EPM2A: variants seen among roughly 807,000 people sequenced by gnomAD.
The protein encoded by EPM2A is laforin.
In EPM2A, 21 loss-of-function variants were observed where a neutral mutation model predicts 26.5. The ratio of observed to expected loss-of-function variants is 0.79; its 90% CI spans 0.56 to 1.14. The LOEUF (loss-of-function observed/expected upper bound fraction) is 1.14. Among genes scored for constraint, EPM2A ranks in the 50% most tolerant of loss-of-function variants. The pLI is 0.00. For synonymous variants in EPM2A, 217 were observed against 177.6 expected (o/e 1.22, Z -1.76); for missense variants, 458 against 440.8 (o/e 1.04, Z -0.35).
intron 2 of EPM2A, among the ~76,000 whole-genome samples, chr6:145,570,023 T>C (rs992412036): frequency 3.3e-5 from 5 of 152,146 alleles, no homozygotes; most frequent in Non-Finnish European, 5.9e-5. Context: ...CGGAGAAAGA[T>C]GTAGGCTGGG....
At chr6:145,717,301 G>T (rs1403653016) in intron 1 of EPM2A, among the ~76,000 whole-genome samples, 1 of 152,244 alleles carries the variant, frequency 6.6e-6, no homozygotes, top group Non-Finnish European at 1.5e-5. Context: ...TGGGATGCAA[G>T]TCTGGTTCAA....
intron 4 of EPM2A, among the ~76,000 whole-genome samples, chr6:145,470,775 T>A (rs780410213): frequency 6.6e-6 from 1 of 152,292 alleles, no homozygotes; most frequent in East Asian, 1.9e-4. Flanking sequence ...AATTTACTAA[T>A]AGTCTAGCAT....
At chr6:145,501,151 C>T (rs937698187), downstream of EPM2A, among the ~76,000 whole-genome samples, 26 of 152,078 alleles carry the variant, frequency 1.7e-4, no homozygotes, top group Non-Finnish European at 2.9e-4. Context: ...TACAAGCAAA[C>T]GTTGAAGAGT....
At chr6:145,488,356 G>A (rs903924906) in intron 4 of EPM2A, among the ~76,000 whole-genome samples, 19 of 152,190 alleles carry the variant, frequency 1.2e-4, no homozygotes, top group African/African-American at 4.1e-4. Flanking sequence ...TGTGAAGAAT[G>A]TCAATGGTAG....
chr6:145,575,894 A>G (rs975646564), intron 2 of EPM2A, among the ~76,000 whole-genome samples: 2 of 152,302 alleles, frequency 1.3e-5, no homozygotes, highest in Non-Finnish European at 2.9e-5. Flanking sequence ...ACCAACATCT[A>G]TAGTAGTCAG....
At chr6:145,545,027 A>C (rs1465607451) in intron 2 of EPM2A, among the ~76,000 whole-genome samples, 1 of 152,164 alleles carries the variant, frequency 6.6e-6, no homozygotes, top group Non-Finnish European at 1.5e-5. Context: ...CCTTACCTCC[A>C]CATTCAATAA....
intron 2 of EPM2A, among the ~76,000 whole-genome samples, chr6:145,548,714 C>T (rs1780615938): frequency 6.6e-6 from 1 of 152,048 alleles, no homozygotes; most frequent in African/African-American, 2.4e-5. Flanking sequence ...TCTATCTTCC[C>T]TTCTCTGTTG....
intron 4 of EPM2A, among the ~76,000 whole-genome samples, chr6:145,385,300 A>T (rs1414503155): frequency 8.1e-6 from 1 of 124,048 alleles, no homozygotes; most frequent in African/African-American, 3.0e-5. Flanking sequence ...TTTTTGACTG[A>T]ATAAACTAAA....
At chr6:145,678,332 A>G (rs534457027) in intron 2 of EPM2A, among the ~76,000 whole-genome samples, 1 of 152,362 alleles carries the variant, frequency 6.6e-6, no homozygotes, top group East Asian at 1.9e-4. Context: ...TTCAGGACAC[A>G]GGCATGGGCA....
intron 4 of EPM2A, among the ~76,000 whole-genome samples, chr6:145,449,100 T>G (rs953158740): frequency 1.3e-5 from 2 of 152,250 alleles, no homozygotes; most frequent in Non-Finnish European, 2.9e-5. Context: ...TGTCTAATGA[T>G]ACCTGTTAAC....
intron 4 of EPM2A, among the ~76,000 whole-genome samples, chr6:145,467,266 C>T (rs183945815): frequency 4.6e-5 from 7 of 151,892 alleles, no homozygotes; most frequent in East Asian, 1.9e-4. Flanking sequence ...TGTGAGGGTG[C>T]GAGGTAGGGC....
intron 2 of EPM2A, among the ~76,000 whole-genome samples, chr6:145,556,450 C>T (rs1780729150): frequency 6.6e-6 from 1 of 152,126 alleles, no homozygotes; most frequent in South Asian, 2.1e-4. Context: ...AATTCCCCTG[C>T]TGGCCTCACC....
chr6:145,468,573 A>C (rs1779430095), intron 4 of EPM2A, among the ~76,000 whole-genome samples: 1 of 152,128 alleles, frequency 6.6e-6, no homozygotes, highest in Admixed American at 6.6e-5. Context: ...CTGTGTTTTG[A>C]TCCATATGCA....
intron 4 of EPM2A, among the ~76,000 whole-genome samples, chr6:145,477,274 C>T (rs1411244451): frequency 6.6e-6 from 1 of 151,620 alleles, no homozygotes; most frequent in African/African-American, 2.4e-5. Flanking sequence ...GAAACGAGAT[C>T]AAAGATATAA....
intron 2 of EPM2A, among the ~76,000 whole-genome samples, chr6:145,615,180 G>T (rs1775479774): frequency 6.6e-6 from 1 of 152,202 alleles, no homozygotes; most frequent in Non-Finnish European, 1.5e-5. Flanking sequence ...ACATGTTGTG[G>T]GAGGAACCCA....
At chr6:145,690,771 A>C (rs1781232577) in intron 1 of EPM2A, among the ~76,000 whole-genome samples, 1 of 152,110 alleles carries the variant, frequency 6.6e-6, no homozygotes. Flanking sequence ...AAGAATCGGA[A>C]TGTCTCAGCA....
At chr6:145,654,481 A>G (rs1486109289) in intron 2 of EPM2A, among the ~76,000 whole-genome samples, 1 of 152,186 alleles carries the variant, frequency 6.6e-6, no homozygotes, top group Non-Finnish European at 1.5e-5. Context: ...TACTAATTTC[A>G]CTTTCTGTGT....
chr6:145,574,393 T>C (rs1401064881), intron 2 of EPM2A, among the ~76,000 whole-genome samples: 1 of 152,212 alleles, frequency 6.6e-6, no homozygotes, highest in Non-Finnish European at 1.5e-5. Context: ...CCTTTGACAG[T>C]TGAGTGCTGC....
At chr6:145,530,899 C>T in intron 2 of EPM2A, among the ~76,000 whole-genome samples, 1 of 152,168 alleles carries the variant, frequency 6.6e-6, no homozygotes, top group East Asian at 1.9e-4. Flanking sequence ...ACCCACCACT[C>T]ACCTCCATAA....
Sources: gnomAD v4.1 joint callset for allele counts (sites outside exome capture counted in the v4.1 genomes callset) on GRCh38, gnomAD v4.1.1 for gene constraint, MANE v1.5 for transcripts, NCBI Gene and HGNC (gene_info 2026-07-23, HGNC 2026-07-21) for gene names.